MACF1: variants seen among roughly 807,000 people sequenced by gnomAD.
The protein encoded by MACF1 is microtubule-actin cross-linking factor 1.
Under a neutral mutation model 854.8 loss-of-function variants are expected in MACF1, and 193 were observed. The observed-to-expected ratio is 0.23, with a 90% CI of 0.20 to 0.25. MACF1 has a LOEUF of 0.25. Among genes scored for constraint, MACF1 ranks in the 10% least tolerant of loss-of-function variants. MACF1 has a pLI of 1.00. For missense variants in MACF1, 7,722 were observed against 8,929.1 expected (o/e 0.86, Z 5.45); for synonymous variants, 3,185 against 3,226.7 (o/e 0.99, Z 0.44).
Position 39,315,710 on chromosome 1 carries a change from T to G in MACF1, c.3449+19T>G. ...TGAATAAGTGAGTGAGCTGAGGTTT[T>G]GGGTCCAAGAGCAATATTTTCCATT... On this transcript the variant is annotated intron_variant, in intron 27 of 100. Coordinates refer to ENST00000564288, the MANE Select transcript of MACF1 (RefSeq NM_001394062.1). 1 of 1,611,220 alleles carries G rather than the reference T, an allele frequency of 6.2e-7. No individual in the cohort carries two copies.
rs1245260592 is a variant in MACF1 at position 39,257,901 on chromosome 1, TAGAGCTCTG to T, written c.436-32_436-24del. 2.7e-6 allele frequency: 4 copies of T among 1,487,758 alleles called. No homozygotes were observed. In the East Asian group the frequency reaches 6.8e-5, roughly 25 times the overall value. 92.2% of individuals were successfully genotyped at this position (1,487,758 alleles called of 1,614,324 possible). A position where few individuals can be genotyped will look rare whatever the true frequency, so the allele number is the denominator to read the frequency against. On this transcript the variant is annotated intron_variant, in intron 5 of 100. Transcript: ENST00000564288. Reference sequence around the variant, plus strand: ...AAAATTTAATCAAAACAAAAAGTCCTAGAGCTCTGAGCCGTGCTTTTATTTCTTTTTCAG... The same window carrying T: ...AAAATTTAATCAAAACAAAAAGTCCTAGCCGTGCTTTTATTTCTTTTTCAG...
At chr1:39,467,715 A>G (rs1644698917) in intron 95 of MACF1, 1 of 152,248 alleles carries the variant, frequency 6.6e-6, no homozygotes. Flanking sequence ...TAGTATAAAT[A>G]TGACCTAATC....
chr1:39,388,671 C>T lies in MACF1; in HGVS notation c.15816+13C>T, dbSNP rs1641892274. 2 of 1,525,642 alleles carry T rather than the reference C, an allele frequency of 1.3e-6. No homozygotes were observed. The highest frequency in any genetic ancestry group is 1.4e-5 in the African/African-American group (1 of 71,780). 94.5% of individuals were successfully genotyped at this position (1,525,642 alleles called of 1,614,324 possible). A position where few individuals can be genotyped will look rare whatever the true frequency, so the allele number is the denominator to read the frequency against. On this transcript the variant is annotated intron_variant, in intron 58 of 100. Coordinates refer to ENST00000564288, the MANE Select transcript of MACF1 (RefSeq NM_001394062.1). ...AGCAGATTTTAAAGTAAGTCTGAACCTTGTTTTTCTTTTTCTTTTACATGT... is the reference window on the plus strand; with the variant it reads ...AGCAGATTTTAAAGTAAGTCTGAACTTTGTTTTTCTTTTTCTTTTACATGT...
chr1:39,314,567 T>TCACACACACACACA (rs761098207), intron 26 of MACF1, among the ~76,000 whole-genome samples: 2 of 115,210 alleles, frequency 1.7e-5, no homozygotes, highest in Admixed American at 9.0e-5. Context: ...TCTCTCTCTC[T>TCACACACACACACA]CTCACACACA....
At position 39,458,325 on chromosome 1, in the gene MACF1, A is replaced by G. The variant is rs201404208; in HGVS notation, c.21076-45A>G. ...CTCTTCCTTTGCCCCCATAAGAGTA[A>G]AAATACAATATTTAACTCTTTTTCC... On this transcript the variant is annotated intron_variant, in intron 89 of 100. Transcript: ENST00000564288. 862 of 1,601,452 alleles carry G rather than the reference A, an allele frequency of 5.4e-4. 2 individuals are homozygous for G. The highest frequency in any genetic ancestry group is 6.9e-4 in the Non-Finnish European group (812 of 1,172,752).
chr1:39,292,753 C>G lies in MACF1; in HGVS notation c.1915-13C>G. The G allele has an allele frequency of 6.3e-7, 1 of 1,586,628 alleles. No individual in the cohort carries two copies. Among genetic ancestry groups the G allele is most frequent in the South Asian group, 1.1e-5 (1 of 88,746 alleles). ...TTCTCTAATGTATTTTTATTTCATTCTTTTTTAATCAGGGAAAGATGTCCC... is the reference window on the plus strand; with the variant it reads ...TTCTCTAATGTATTTTTATTTCATTGTTTTTTAATCAGGGAAAGATGTCCC... On this transcript the variant is annotated splice_polypyrimidine_tract_variant and intron_variant, in intron 16 of 100. Coordinates refer to ENST00000564288, the MANE Select transcript of MACF1 (RefSeq NM_001394062.1).
At chr1:39,119,003 T>C (rs1449870050) in intron 2 of MACF1, among the ~76,000 whole-genome samples, 1 of 152,046 alleles carries the variant, frequency 6.6e-6, no homozygotes. Flanking sequence ...AACTAAATGG[T>C]GATTTCATTG....
intron 57 of MACF1, 113 bp from the exon 58 acceptor site, chr1:39,387,074 C>G: frequency 8.7e-7 from 1 of 1,147,668 alleles, no homozygotes. Context: ...TTTTGGTAGG[C>G]CCTCAAGTAA....
At position 39,382,005 on chromosome 1, in the gene MACF1, A is replaced by G. The variant is rs561759699; in HGVS notation, c.13701A>G (p.Leu4567=). 2.0e-5 allele frequency: 32 copies of G among 1,614,060 alleles called. No homozygotes were observed. The highest frequency in any genetic ancestry group is 2.5e-5 in the Non-Finnish European group (29 of 1,180,046). Residue 4567 remains leucine (L), a synonymous_variant, in exon 56 of 101, where the codon CTA becomes CTG. Coordinates refer to ENST00000564288, the MANE Select transcript of MACF1 (RefSeq NM_001394062.1). The part of the protein sequence containing the change: ...TEVTVARQRQ[L]EESASHLACF... The stretch of plus-strand genomic sequence containing the variant: ...TTACTGTGGCTCGGCAAAGGCAGCT[A>G]GAGGAATCTGCAAGTCATCTGGCCT...
chr1:39,174,130 C>T (rs983701092), intron 2 of MACF1, among the ~76,000 whole-genome samples: 1 of 152,138 alleles, frequency 6.6e-6, no homozygotes, highest in African/African-American at 2.4e-5. Context: ...TTTCTTTCTT[C>T]CTGTCTTTTA....
chr1:39,323,153 G>A (rs1023654554), intron 33 of MACF1, 145 bp downstream of exon 33: 4 of 711,040 alleles, frequency 5.6e-6, no homozygotes, highest in South Asian at 4.9e-5. Context: ...CAGCATGGGT[G>A]ACATAGGGAA....
rs79417567 is a variant in MACF1, at chr1:39,351,102, A to G, written c.11199+84A>G. ...AAATAAAAGACAGTGAGGGGAAAAC[A>G]GGCTTATAGCATGCACAGAATCATG... On this transcript the variant is annotated intron_variant, in intron 43 of 100. Coordinates refer to ENST00000564288, the MANE Select transcript of MACF1 (RefSeq NM_001394062.1). 1,738 of 955,598 alleles carry G rather than the reference A, an allele frequency of 1.8e-3. 21 individuals carry two copies. In the African/African-American group the frequency reaches 0.025, roughly 14 times the overall value. The allele number at this position is 955,598 out of a possible 1,614,324, so 59.2% of individuals were successfully genotyped here.
chr1:39,251,914 G>T lies in MACF1; in HGVS notation c.330G>T (p.Glu110Asp). The T allele has an allele frequency of 6.6e-7, 1 of 1,518,666 alleles. No individual in the cohort carries two copies. The highest frequency in any genetic ancestry group is 1.4e-5 in the African/African-American group (1 of 72,314). 94.1% of individuals were successfully genotyped at this position (1,518,666 alleles called of 1,614,324 possible). A position where few individuals can be genotyped will look rare whatever the true frequency, so the allele number is the denominator to read the frequency against. ...CCTGGTGCCATACAAACAACGAGGA[G>T]CAGGCGGAGGAAGATGATGATGATG... ...MPSWCHTNNE[E>D]QAEEDDDDVP... The change falls in exon 4 of 101, where the codon GAG becomes GAT. Residue 110 changes from glutamate to aspartate, a missense_variant. Glu to Asp is a conservative substitution (Grantham distance 45). Around this residue, in one of 15 missense-constraint regions of MACF1, gnomAD observed 82 missense variants for 84.0 expected, o/e 0.98. Transcript: ENST00000564288.
Position 39,084,496 on chromosome 1 carries a change from G to A in MACF1, c.220+58G>A. The A allele has an allele frequency of 6.7e-7, 1 of 1,485,326 alleles. No homozygotes were observed. The highest frequency in any genetic ancestry group is 1.9e-5 in the Admixed American group (1 of 53,480). The allele number at this position is 1,485,326 out of a possible 1,614,324, so 92.0% of individuals were successfully genotyped here. ...TGGGTGTGAGGGAGGAATGGGCCAG[G>A]GCACAGCAGCTGTGTGGGGAGCCGA... is the stretch of plus-strand genomic sequence containing the variant. On this transcript the variant is annotated intron_variant, in intron 2 of 93. Coordinates refer to the MACF1 transcript ENST00000361689. This position sits in a 1 kb window ranked among gnomAD's most constrained non-coding sequence, Gnocchi z 5.2.
chr1:39,440,111 CTTTT>C (rs774399403), intron 72 of MACF1, among the ~76,000 whole-genome samples: 1 of 64,568 alleles, frequency 1.5e-5, no homozygotes, highest in African/African-American at 6.7e-5. Context: ...CTTTTCTTTT[CTTTT>C]TTTTTTTTTT....
At chr1:39,423,974 A>C in intron 60 of MACF1, 54 bp from the exon 61 acceptor site, 1 of 1,432,752 alleles carries the variant, frequency 7.0e-7, no homozygotes, top group Non-Finnish European at 9.5e-7. Context: ...CTTTCTTCCT[A>C]GTTCAGATTT....
chr1:39,431,834 C>G (rs1483368478), intron 66 of MACF1, among the ~76,000 whole-genome samples: 3 of 151,950 alleles, frequency 2.0e-5, no homozygotes, highest in Admixed American at 1.3e-4. Flanking sequence ...ATTAGCCGAT[C>G]ATGGTGGCAA....
rs1644259878 is a variant in MACF1, at chr1:39,447,918, T to C, written c.19968+20T>C. Reference sequence around the variant, plus strand: ...AAACAAGTAAGTTGGGGAAGAAAGATACTAATTCACTGAAGAGTCTTGGGC... The same window carrying C: ...AAACAAGTAAGTTGGGGAAGAAAGACACTAATTCACTGAAGAGTCTTGGGC... On this transcript the variant is annotated intron_variant, in intron 82 of 100. Transcript: ENST00000564288. 3 of 1,613,536 alleles carry C rather than the reference T, an allele frequency of 1.9e-6. No homozygotes were observed. The highest frequency in any genetic ancestry group is 3.3e-4 in the Middle Eastern group (2 of 6,062).
chr1:39,336,566 C>A lies in MACF1; in HGVS notation c.9978C>A (p.Ser3326Arg). Residue 3326 changes from serine (S) to arginine (R), a missense_variant, in exon 37 of 101, where the codon AGC becomes AGA. Physicochemically the swap from Ser to Arg is moderately radical, Grantham distance 110. This residue lies in a region of MACF1 where 854 missense variants were observed against 852.6 expected (regional missense o/e 1.00). Transcript: ENST00000564288. ...EKTPQEKLRE[S>R]PGSEQTPFMT... ...CACCACAGGAAAAGCTCAGAGAAAG[C>A]CCTGGCAGTGAACAAACTCCCTTCA... 6 of 1,614,088 alleles carry A rather than the reference C, an allele frequency of 3.7e-6. No individual in the cohort carries two copies. Among genetic ancestry groups the A allele is most frequent in the Non-Finnish European group, 5.1e-6 (6 of 1,179,992 alleles).
Sources: gnomAD v4.1 joint callset for allele counts (sites outside exome capture counted in the v4.1 genomes callset) on GRCh38, gnomAD v4.1.1 for gene constraint, gnomAD v4.1.1 regional missense constraint, Gnocchi (gnomAD v3.1) non-coding constraint, MANE v1.5 for transcripts, NCBI Gene and HGNC (gene_info 2026-07-23, HGNC 2026-07-21) for gene names.